Variants in GALNT2 observed in about 807,000 individuals in gnomAD.
The protein encoded by GALNT2 is polypeptide N-acetylgalactosaminyltransferase 2, also known as UDP-GalNAc:polypeptide N-acetylgalactosaminyltransferase 2.
A neutral mutation model predicts 81.4 loss-of-function variants in GALNT2; 31 were observed. That is an observed-to-expected ratio of 0.38 (90% CI 0.29 to 0.51). The LOEUF is 0.51. Among genes scored for constraint, GALNT2 ranks in the 20% least tolerant of loss-of-function variants. The probability of loss-of-function intolerance (pLI) is 0.87; values close to 1 mark genes in which losing one functional copy is unlikely to be tolerated. For missense variants in GALNT2, 629 were observed against 765.7 expected (o/e 0.82, Z 2.11); for synonymous variants, 303 against 287.4 (o/e 1.05, Z -0.55).
At position 230,275,003 on chromosome 1, in the gene GALNT2, ATG is replaced by A. The variant is rs1666248861; in HGVS notation, c.1560+440_1560+441del. ...ACATGCTACATATATACATATATAC[ATG>A]CCACATATATACATATATACACGCC... On this transcript the variant is annotated intron_variant, in intron 15 of 15. Transcript: ENST00000366672. This position sits in a 1 kb window ranked among gnomAD's most constrained non-coding sequence, Gnocchi z 5.5. 6.6e-6 allele frequency among the ~76,000 whole-genome samples: 1 copy of A among 151,810 alleles called. No individual in the cohort carries two copies. The highest frequency in any genetic ancestry group is 2.1e-4 in the South Asian group (1 of 4,826).
intron 1 of GALNT2, among the ~76,000 whole-genome samples, chr1:230,162,426 G>A (rs1023780077): frequency 6.6e-6 from 1 of 152,024 alleles, no homozygotes; most frequent in Non-Finnish European, 1.5e-5. Context: ...GTTTCCCTTA[G>A]GGTTCAGAAA....
At chr1:230,115,118 GC>G (rs1010181677) in intron 1 of GALNT2, among the ~76,000 whole-genome samples, 65 of 150,592 alleles carry the variant, frequency 4.3e-4, no homozygotes, top group African/African-American at 1.4e-3. Context: ...CGATTCTCCT[GC>G]CTCAGCCTCC....
chr1:230,196,261 C>T (rs528844044), intron 2 of GALNT2, among the ~76,000 whole-genome samples: 3 of 152,318 alleles, frequency 2.0e-5, no homozygotes, highest in Non-Finnish European at 2.9e-5. Flanking sequence ...GGCTCCTGCT[C>T]ACGCTTCAAG....
intron 3 of GALNT2, among the ~76,000 whole-genome samples, chr1:230,210,430 A>G (rs1287820168): frequency 2.0e-5 from 3 of 152,224 alleles, no homozygotes; most frequent in Non-Finnish European, 4.4e-5. Flanking sequence ...ACGTTTAGTT[A>G]TTAGAAAGCT....
intron 1 of GALNT2, among the ~76,000 whole-genome samples, chr1:230,144,924 C>T (rs1354543304): frequency 6.6e-6 from 1 of 152,128 alleles, no homozygotes; most frequent in Non-Finnish European, 1.5e-5. Flanking sequence ...TTATCTTTGG[C>T]AGCCTTCAGT....
At chr1:230,064,908 C>G (rs761862847), upstream of GALNT2, among the ~76,000 whole-genome samples, 1 of 152,208 alleles carries the variant, frequency 6.6e-6, no homozygotes, top group Non-Finnish European at 1.5e-5. Context: ...ATTTTTATCT[C>G]TATAAGCAAT....
intron 1 of GALNT2, among the ~76,000 whole-genome samples, chr1:230,113,352 A>G (rs1455512791): frequency 6.6e-6 from 1 of 152,094 alleles, no homozygotes; most frequent in Non-Finnish European, 1.5e-5. Context: ...TCCTTGACTC[A>G]GGAATCCAGT....
At chr1:230,169,751 C>T (rs1380364980) in intron 1 of GALNT2, among the ~76,000 whole-genome samples, 1 of 152,214 alleles carries the variant, frequency 6.6e-6, no homozygotes, top group Non-Finnish European at 1.5e-5. Context: ...TCTGAGGTTA[C>T]ACAGTAAAAT....
At chr1:230,223,893 C>G (rs1334878308) in intron 3 of GALNT2, among the ~76,000 whole-genome samples, 1 of 152,180 alleles carries the variant, frequency 6.6e-6, no homozygotes, top group African/African-American at 2.4e-5. Context: ...TTGGGACAAT[C>G]AGAACTGCTC....
intron 10 of GALNT2, among the ~76,000 whole-genome samples, chr1:230,251,761 G>A (rs1665552095): frequency 6.6e-6 from 1 of 152,110 alleles, no homozygotes; most frequent in Non-Finnish European, 1.5e-5. Context: ...TCGTGTAGGT[G>A]GCCATTTCTC....
At chr1:230,076,374 T>TC (rs1391735926) in intron 1 of GALNT2, among the ~76,000 whole-genome samples, 1 of 152,144 alleles carries the variant, frequency 6.6e-6, no homozygotes, top group Non-Finnish European at 1.5e-5. Context: ...TAACGAGAAA[T>TC]CCCCCTGGGT....
At position 230,281,310 on chromosome 1, in the gene GALNT2, G is replaced by C. The variant is rs7544606; in HGVS notation, c.*1852G>C. On this transcript the variant is annotated 3_prime_UTR_variant, in exon 16 of 16. Coordinates refer to ENST00000366672, the MANE Select transcript of GALNT2 (RefSeq NM_004481.5). ...CCCCTGCCATGCAACCAGATGTGTT[G>C]TGAGTGGGCAGCGTGCCCCCACGCT... 34,909 of 152,058 alleles carry C rather than the reference G, an allele frequency of 0.23. 4,957 individuals are homozygous for C. The highest frequency in any genetic ancestry group is 0.4 in the East Asian group (2,070 of 5,134). The allele number at this position is 152,058 out of a possible 1,614,324, so 9.4% of individuals were successfully genotyped here.
At chr1:230,091,067 G>GTTTCTTTC (rs150413207) in intron 1 of GALNT2, among the ~76,000 whole-genome samples, 1 of 107,770 alleles carries the variant, frequency 9.3e-6, no homozygotes, top group Non-Finnish European at 2.2e-5. Flanking sequence ...TCTTTTGTTT[G>GTTTCTTTC]TTTCTTTCTT....
chr1:230,174,482 T>C (rs748989689), intron 1 of GALNT2, among the ~76,000 whole-genome samples: 3 of 151,902 alleles, frequency 2.0e-5, no homozygotes, highest in Non-Finnish European at 2.9e-5. Context: ...CTCCTCTATA[T>C]TTCCTAGCAC....
At chr1:230,096,037 G>A (rs1462376682) in intron 1 of GALNT2, among the ~76,000 whole-genome samples, 1 of 152,222 alleles carries the variant, frequency 6.6e-6, no homozygotes, top group Non-Finnish European at 1.5e-5. Flanking sequence ...ATGAACCCAG[G>A]GCTGTGGGCC....
At chr1:230,224,477 G>T (rs1326053325) in intron 3 of GALNT2, among the ~76,000 whole-genome samples, 1 of 152,208 alleles carries the variant, frequency 6.6e-6, no homozygotes, top group African/African-American at 2.4e-5. Context: ...AATAGCTCTT[G>T]ACTCTTGAAA....
At chr1:230,120,897 A>T (rs1660996839) in intron 1 of GALNT2, among the ~76,000 whole-genome samples, 1 of 152,166 alleles carries the variant, frequency 6.6e-6, no homozygotes, top group Non-Finnish European at 1.5e-5. Context: ...GACTTCCTTA[A>T]TATTTTGATA....
chr1:230,201,370 G>A (rs1215584914), intron 2 of GALNT2, among the ~76,000 whole-genome samples: 2 of 152,058 alleles, frequency 1.3e-5, no homozygotes, highest in Non-Finnish European at 2.9e-5. Flanking sequence ...ATGAGATGGG[G>A]GTTCTGACCT....
chr1:230,272,472 C>G (rs1366598433), intron 14 of GALNT2, among the ~76,000 whole-genome samples: 1 of 152,148 alleles, frequency 6.6e-6, no homozygotes, highest in Non-Finnish European at 1.5e-5. Flanking sequence ...TTCATTTGAC[C>G]TAGAATCCGT....
Sources: gnomAD v4.1 joint callset for allele counts (sites outside exome capture counted in the v4.1 genomes callset) on GRCh38, gnomAD v4.1.1 for gene constraint, Gnocchi (gnomAD v3.1) non-coding constraint, MANE v1.5 for transcripts, NCBI Gene and HGNC (gene_info 2026-07-23, HGNC 2026-07-21) for gene names.